SHISA9: variants seen among roughly 807,000 people sequenced by gnomAD.
SHISA9 encodes the protein protein shisa-9.
In SHISA9, 13 loss-of-function variants were observed where a neutral mutation model predicts 38.0. The ratio of observed to expected loss-of-function variants is 0.34; its 90% CI spans 0.22 to 0.54. The LOEUF (loss-of-function observed/expected upper bound fraction) is 0.54, where lower values mean the gene tolerates loss of function less well. Among genes scored for constraint, SHISA9 ranks in the 20% least tolerant of loss-of-function variants. SHISA9 has a pLI of 0.91. For synonymous variants in SHISA9, 275 were observed against 242.0 expected (o/e 1.14, Z -1.27); for missense variants, 538 against 575.8 (o/e 0.93, Z 0.67).
the SHISA9 span, among the ~76,000 whole-genome samples, chr16:13,471,708 C>G: frequency 1.3e-5 from 2 of 152,162 alleles, no homozygotes; most frequent in Admixed American, 1.3e-4. Context: ...TTTTATGTGT[C>G]AATCCACCAG....
intron 2 of SHISA9, among the ~76,000 whole-genome samples, chr16:12,970,439 A>G (rs58345366): frequency 0.19 from 9,396 of 49,364 alleles, 1,324 homozygotes; most frequent in East Asian, 0.29. Context: ...ATATATATAT[A>G]CACACATATA....
At chr16:13,075,692 C>T (rs1028219551) in intron 2 of SHISA9, among the ~76,000 whole-genome samples, 3 of 152,136 alleles carry the variant, frequency 2.0e-5, no homozygotes, top group African/African-American at 4.8e-5. Flanking sequence ...AGCTAAGCTT[C>T]GTAAAATGTC....
In SHISA9 at chr16:13,237,555, C is replaced by G. The variant is rs771671402; in HGVS notation, c.*2146C>G. 2 of 149,624 alleles carry G rather than the reference C, an allele frequency of 1.3e-5. No homozygotes were observed. The highest frequency in any genetic ancestry group is 3.0e-5 in the Non-Finnish European group (2 of 67,796). 9.3% of individuals were successfully genotyped at this position (149,624 alleles called of 1,614,324 possible). Reference sequence around the variant, plus strand: ...GTGGGTGCCTGTAATCCCAACTACTCGAGAGGCTGAGGCAGGAGAATCGCT... The same window carrying G: ...GTGGGTGCCTGTAATCCCAACTACTGGAGAGGCTGAGGCAGGAGAATCGCT... On this transcript the variant is annotated 3_prime_UTR_variant, in exon 5 of 5. Transcript: ENST00000558583.
At chr16:13,148,766 A>C (rs1045835235) in intron 2 of SHISA9, among the ~76,000 whole-genome samples, 5 of 151,628 alleles carry the variant, frequency 3.3e-5, no homozygotes, top group African/African-American at 1.2e-4. Context: ...CCCAGGGATC[A>C]TAATTCAACA....
At chr16:13,123,258 A>C (rs1054898096) in intron 2 of SHISA9, among the ~76,000 whole-genome samples, 1 of 152,226 alleles carries the variant, frequency 6.6e-6, no homozygotes, top group African/African-American at 2.4e-5. Context: ...ATTTTCTGCT[A>C]TCTTGGGAAG....
At chr16:12,970,662 C>T (rs2072069216) in intron 2 of SHISA9, among the ~76,000 whole-genome samples, 2 of 149,564 alleles carry the variant, frequency 1.3e-5, no homozygotes, top group Non-Finnish European at 3.0e-5. Context: ...AGGCACACAC[C>T]ACCACACCGG....
chr16:13,260,033 T>TTTTTTTTTTTTC, the SHISA9 span, among the ~76,000 whole-genome samples: 1 of 136,652 alleles, frequency 7.3e-6, no homozygotes, highest in African/African-American at 2.9e-5. Flanking sequence ...TTTTTTTTTT[T>TTTTTTTTTTTTC]TGAGACAGGG....
the SHISA9 span, among the ~76,000 whole-genome samples, chr16:13,551,631 C>T: frequency 1.3e-5 from 2 of 152,292 alleles, no homozygotes; most frequent in Admixed American, 6.5e-5. Context: ...CACATGCATA[C>T]AATCATTACT....
chr16:12,907,452 G>C (rs2141708339), intron 1 of SHISA9, among the ~76,000 whole-genome samples: 1 of 151,002 alleles, frequency 6.6e-6, no homozygotes, highest in East Asian at 2.0e-4. Flanking sequence ...ATAAGTTGCA[G>C]ACATGACACT....
chr16:12,931,155 G>A (rs975566675), intron 2 of SHISA9, among the ~76,000 whole-genome samples: 1 of 152,216 alleles, frequency 6.6e-6, no homozygotes, highest in Non-Finnish European at 1.5e-5. Context: ...AGTACGGGAG[G>A]AAAGTGGGAT....
the SHISA9 span, among the ~76,000 whole-genome samples, chr16:13,292,120 A>T: frequency 1.3e-5 from 2 of 151,928 alleles, no homozygotes; most frequent in South Asian, 4.2e-4. Context: ...GTGTGGAGAC[A>T]TCATGGCCCC....
chr16:13,069,127 A>G (rs533228158), intron 2 of SHISA9, among the ~76,000 whole-genome samples: 5 of 151,150 alleles, frequency 3.3e-5, no homozygotes, highest in African/African-American at 1.2e-4. Flanking sequence ...CAATGTGTAT[A>G]TGCACATATG....
chr16:13,095,692 G>T (rs746690797), intron 2 of SHISA9, among the ~76,000 whole-genome samples: 13 of 152,204 alleles, frequency 8.5e-5, no homozygotes, highest in Non-Finnish European at 1.2e-4. Flanking sequence ...TTCCATAAAG[G>T]CAGGGGCTGT....
chr16:13,360,313 C>G, the SHISA9 span, among the ~76,000 whole-genome samples: 1 of 152,204 alleles, frequency 6.6e-6, no homozygotes, highest in Non-Finnish European at 1.5e-5. Flanking sequence ...TCTCCACTTT[C>G]CTGTCTCAGG....
At chr16:13,082,534 C>T (rs534519743) in intron 2 of SHISA9, 29 of 152,250 alleles carry the variant, frequency 1.9e-4, no homozygotes, top group African/African-American at 6.5e-4. Context: ...TCTCATGTCC[C>T]GGCATTCTCT....
At chr16:13,191,912 T>G (rs1424470159) in intron 2 of SHISA9, among the ~76,000 whole-genome samples, 1 of 152,182 alleles carries the variant, frequency 6.6e-6, no homozygotes, top group East Asian at 1.9e-4. Flanking sequence ...ATCGCAGCAC[T>G]ATTCACAATA....
intron 2 of SHISA9, among the ~76,000 whole-genome samples, chr16:13,146,778 C>T (rs892443470): frequency 2.0e-5 from 3 of 152,170 alleles, no homozygotes; most frequent in Admixed American, 1.3e-4. Flanking sequence ...AAATCATGCT[C>T]TTAGGTGTAT....
chr16:12,991,113 A>G (rs544798579), intron 2 of SHISA9, among the ~76,000 whole-genome samples: 2 of 152,238 alleles, frequency 1.3e-5, no homozygotes, highest in South Asian at 2.1e-4. Context: ...ATTCTTTTTG[A>G]TTATTAAGGA....
intron 2 of SHISA9, among the ~76,000 whole-genome samples, chr16:13,081,716 G>A (rs554248586): frequency 6.6e-6 from 1 of 152,130 alleles, no homozygotes; most frequent in South Asian, 2.1e-4. Context: ...AGCTGGGCAT[G>A]GTGGTGGGCA....
Sources: allele counts gnomAD v4.1 joint callset (sites outside exome capture counted in the v4.1 genomes callset), GRCh38; gene constraint gnomAD v4.1.1; transcripts MANE v1.5; gene names NCBI Gene and HGNC (gene_info 2026-07-23, HGNC 2026-07-21).